Variants in STX8 observed in about 807,000 individuals in gnomAD.
The protein encoded by STX8 is syntaxin-8.
STX8 carries 23 observed loss-of-function variants against 37.5 expected under a neutral mutation model. That is an observed-to-expected ratio of 0.61 (90% confidence interval 0.44 to 0.87). STX8 has a LOEUF of 0.87. Among genes scored for constraint, STX8 ranks in the 40% least tolerant of loss-of-function variants. The pLI, the probability that STX8 is intolerant of heterozygous loss-of-function variation, is 0.00. For synonymous variants in STX8, 115 were observed against 99.1 expected (o/e 1.16, Z -0.95); for missense variants, 313 against 284.7 (o/e 1.10, Z -0.71).
intron 6 of STX8, among the ~76,000 whole-genome samples, chr17:9,436,343 T>C: frequency 7.9e-6 from 1 of 127,292 alleles, no homozygotes; most frequent in African/African-American, 3.2e-5. Flanking sequence ...CAAGCCTCCA[T>C]CGCAAAAAAA....
intron 5 of STX8, among the ~76,000 whole-genome samples, chr17:9,492,381 G>A (rs1347218810): frequency 1.3e-5 from 2 of 152,078 alleles, no homozygotes; most frequent in Non-Finnish European, 1.5e-5. Context: ...TAAAAAGAAT[G>A]ACAATACCTA....
chr17:9,549,159 AAG>A (rs1906664012), intron 3 of STX8, among the ~76,000 whole-genome samples: 1 of 152,232 alleles, frequency 6.6e-6, no homozygotes, highest in Non-Finnish European at 1.5e-5. Flanking sequence ...AAGGAAGAGA[AAG>A]AGGAGTCATT....
intron 7 of STX8, among the ~76,000 whole-genome samples, chr17:9,365,016 A>AAGAGAAAGTGATGAGGAGG (rs1241860369): frequency 1.2e-4 from 19 of 152,162 alleles, no homozygotes; most frequent in African/African-American, 4.6e-4. Context: ...TGATGAGGAG[A>AAGAGAAAGTGATGAGGAGG]AGAGAAAGTG....
chr17:9,373,608 T>C (rs566776607), intron 7 of STX8, among the ~76,000 whole-genome samples: 3 of 152,154 alleles, frequency 2.0e-5, no homozygotes, highest in South Asian at 4.2e-4. Flanking sequence ...GAGGGAGGAA[T>C]AGGGAATTAT....
chr17:9,328,117 G>A (rs1909839475), intron 7 of STX8, among the ~76,000 whole-genome samples: 3 of 134,314 alleles, frequency 2.2e-5, no homozygotes, highest in South Asian at 4.8e-4. Flanking sequence ...TCACTATGTT[G>A]CCCAGGCTGG....
chr17:9,339,852 C>T (rs1158970786), intron 7 of STX8, among the ~76,000 whole-genome samples: 4 of 152,182 alleles, frequency 2.6e-5, no homozygotes, highest in Admixed American at 6.5e-5. Context: ...TCTTTGAAAG[C>T]GCCATGGATA....
intron 6 of STX8, among the ~76,000 whole-genome samples, chr17:9,433,170 A>G (rs1205499572): frequency 6.6e-6 from 1 of 152,222 alleles, no homozygotes; most frequent in Admixed American, 6.5e-5. Context: ...CCTAAGATTT[A>G]TTCTTTGACA....
intron 7 of STX8, among the ~76,000 whole-genome samples, chr17:9,351,415 C>T (rs932595020): frequency 5.3e-5 from 8 of 151,988 alleles, no homozygotes; most frequent in Non-Finnish European, 1.2e-4. Context: ...CCTCGGCCTC[C>T]CAAAGTGCTG....
chr17:9,385,016 G>GA (rs58386863), intron 6 of STX8, among the ~76,000 whole-genome samples: 138 of 131,092 alleles, frequency 1.1e-3, no homozygotes, highest in Middle Eastern at 4.0e-3. Flanking sequence ...GCTTCTAAAA[G>GA]AAAAAAAAAA....
intron 6 of STX8, among the ~76,000 whole-genome samples, chr17:9,454,677 C>CAAAA (rs71135986): frequency 7.8e-6 from 1 of 128,930 alleles, no homozygotes; most frequent in African/African-American, 3.1e-5. Flanking sequence ...GAGACTGTCT[C>CAAAA]AAAAAAAAAA....
chr17:9,354,985 T>C (rs1910829879), intron 7 of STX8, among the ~76,000 whole-genome samples: 1 of 152,206 alleles, frequency 6.6e-6, no homozygotes, highest in Non-Finnish European at 1.5e-5. Context: ...TGCTGAGATA[T>C]TGGATGCCAT....
intron 6 of STX8, among the ~76,000 whole-genome samples, chr17:9,472,251 T>C (rs1905901442): frequency 6.6e-6 from 1 of 152,234 alleles, no homozygotes; most frequent in Non-Finnish European, 1.5e-5. Context: ...ATCACCTTGT[T>C]CAACCTCGGC....
intron 7 of STX8, among the ~76,000 whole-genome samples, chr17:9,372,573 G>A (rs1042901583): frequency 6.6e-6 from 1 of 151,880 alleles, no homozygotes; most frequent in Admixed American, 6.6e-5. Flanking sequence ...TGCCTCCCGG[G>A]TTCAAGCGAT....
At chr17:9,308,186 T>C (rs113315003) in intron 7 of STX8, among the ~76,000 whole-genome samples, 44 of 152,176 alleles carry the variant, frequency 2.9e-4, no homozygotes, top group African/African-American at 9.9e-4. Context: ...AGTAATAGAC[T>C]GAGTGGGGAA....
intron 7 of STX8, among the ~76,000 whole-genome samples, chr17:9,350,764 C>T (rs192003429): frequency 6.6e-6 from 1 of 152,298 alleles, no homozygotes; most frequent in African/African-American, 2.4e-5. Flanking sequence ...AATGCCTGAC[C>T]TCGGGTGATC....
At chr17:9,290,047 T>C (rs1315080151) in intron 7 of STX8, among the ~76,000 whole-genome samples, 1 of 152,102 alleles carries the variant, frequency 6.6e-6, no homozygotes, top group Non-Finnish European at 1.5e-5. Flanking sequence ...AGGAGGAAGT[T>C]AAGAGACAGC....
At chr17:9,329,320 A>C (rs1909886928) in intron 7 of STX8, among the ~76,000 whole-genome samples, 1 of 152,126 alleles carries the variant, frequency 6.6e-6, no homozygotes. Context: ...AATATTCTAC[A>C]TTTTGCTAAG....
chr17:9,497,207 T>TG (rs1904440023), intron 5 of STX8, among the ~76,000 whole-genome samples: 1 of 152,120 alleles, frequency 6.6e-6, no homozygotes, highest in African/African-American at 2.4e-5. Flanking sequence ...TTAAAGAAAC[T>TG]TAAGAGACAT....
At chr17:9,503,623 T>C (rs1904707715) in intron 5 of STX8, among the ~76,000 whole-genome samples, 1 of 152,216 alleles carries the variant, frequency 6.6e-6, no homozygotes, top group Non-Finnish European at 1.5e-5. Context: ...CCTGCTGCCT[T>C]GGCCTCCCAA....
Sources: gnomAD v4.1 joint callset for allele counts (sites outside exome capture counted in the v4.1 genomes callset) on GRCh38, gnomAD v4.1.1 for gene constraint, MANE v1.5 for transcripts, NCBI Gene and HGNC (gene_info 2026-07-23, HGNC 2026-07-21) for gene names.